FZR1: variants seen among roughly 807,000 people sequenced by gnomAD.
FZR1 encodes the protein fizzy-related protein homolog.
Under a neutral mutation model 63.6 loss-of-function variants are expected in FZR1, and 11 were observed. That is an observed-to-expected ratio of 0.17 (90% CI 0.11 to 0.29). The LOEUF (loss-of-function observed/expected upper bound fraction) is 0.29. Among genes scored for constraint, FZR1 ranks in the 10% least tolerant of loss-of-function variants. FZR1 has a pLI of 1.00. For synonymous variants in FZR1, 328 were observed against 297.9 expected, an observed-to-expected ratio of 1.10 and a Z score of -1.04; for missense variants, 440 against 687.5, an observed-to-expected ratio of 0.64 and a Z score of 4.03.
Position 3,525,806 on chromosome 19 carries a change from C to A in FZR1, c.70-62C>A. 6.3e-7 allele frequency: 1 copy of A among 1,578,088 alleles called. No individual in the cohort carries two copies. Among genetic ancestry groups the A allele is most frequent in the Non-Finnish European group, 8.6e-7 (1 of 1,164,048 alleles). ...GTGGCCAGAGGCTGAGAGAGGCTGG[C>A]CTGGGGGCACTCTCGGGGGGCTCTC... On this transcript the variant is annotated intron_variant, in intron 2 of 13. Transcript: ENST00000441788. This position sits in a 1 kb window ranked among gnomAD's most constrained non-coding sequence, Gnocchi z 4.2.
chr19:3,520,990 ACAGGGTGCAACGTCCT>A (rs1463573815), intron 1 of FZR1, among the ~76,000 whole-genome samples: 1 of 152,172 alleles, frequency 6.6e-6, no homozygotes, highest in Admixed American at 6.5e-5. Flanking sequence ...GGTGTCTCTC[ACAGGGTGCAACGTCCT>A]CAGGGCGTGT....
intron 7 of FZR1, among the ~76,000 whole-genome samples, chr19:3,529,776 G>A (rs1455191889): frequency 7.4e-6 from 1 of 134,698 alleles, no homozygotes; most frequent in Non-Finnish European, 1.6e-5. Flanking sequence ...GTGAGCGGAT[G>A]CGAGAGTGGA....
At position 3,531,874 on chromosome 19, in the gene FZR1, C is replaced by A. The variant is rs576585805; in HGVS notation, c.824-37C>A. On this transcript the variant is annotated intron_variant, in intron 9 of 13. Transcript: ENST00000441788. The stretch of plus-strand genomic sequence containing the variant: ...CCCTGAGGCCCCAGCTCCGCGAGGG[C>A]AGGAGAGGCTCACCCCCGCTTCCAC... 3 of 1,567,092 alleles carry A rather than the reference C, an allele frequency of 1.9e-6. No homozygotes were observed. The African/African-American group carries it at 4.1e-5, about 21-fold the overall frequency.
In FZR1 at chr19:3,530,768, G is replaced by A. The variant is rs772846510; in HGVS notation, c.655-24G>A. 6.2e-6 allele frequency: 10 copies of A among 1,604,514 alleles called. No individual in the cohort carries two copies. In the Admixed American group the frequency reaches 1.3e-4, roughly 22 times the overall value. On this transcript the variant is annotated intron_variant, in intron 7 of 13. Transcript: ENST00000441788. Reference sequence around the variant, plus strand: ...CTGGGGCTTCGAGACCAGCGGCAAAGCTCACACTGACCTCTGCCTCCAGGT... The same window carrying A: ...CTGGGGCTTCGAGACCAGCGGCAAAACTCACACTGACCTCTGCCTCCAGGT...
chr19:3,530,698 G>A (rs564786735), intron 7 of FZR1, 94 bp from the exon 8 acceptor site: 15 of 878,240 alleles, frequency 1.7e-5, no homozygotes, highest in Middle Eastern at 2.2e-4. Context: ...GTGGATGAGA[G>A]TGGATGGGTG....
intron 7 of FZR1, among the ~76,000 whole-genome samples, chr19:3,528,952 ATGGG>A (rs2083195290): frequency 1.3e-5 from 2 of 148,908 alleles, no homozygotes; most frequent in African/African-American, 5.0e-5. Flanking sequence ...GGGAGAGCGG[ATGGG>A]TGAGTGGATG....
Position 3,516,819 on chromosome 19 carries a change from C to T in FZR1, c.-34-6137C>T, listed in dbSNP as rs1040393213. Among the ~76,000 whole-genome samples the T allele has an allele frequency of 1.3e-5, 2 of 152,204 alleles. No individual in the cohort carries two copies. Among genetic ancestry groups the T allele is most frequent in the East Asian group, 1.9e-4 (1 of 5,192 alleles). Reference sequence around the variant, plus strand: ...CTGACAGCTGCTGCCCACCTGGCAACGTTTGGGCCATTGGCTCACGGCGTC... The same window carrying T: ...CTGACAGCTGCTGCCCACCTGGCAATGTTTGGGCCATTGGCTCACGGCGTC... On this transcript the variant is annotated intron_variant, in intron 1 of 13. Transcript: ENST00000441788. The surrounding 1 kb of genome is among the most constrained non-coding windows in gnomAD (Gnocchi z 6.0).
intron 2 of FZR1, among the ~76,000 whole-genome samples, chr19:3,523,997 T>C (rs1427659419): frequency 6.6e-6 from 1 of 152,170 alleles, no homozygotes; most frequent in African/African-American, 2.4e-5. Flanking sequence ...GGATCGTGCG[T>C]GATGTAGCAG....
rs2030019386 is a variant in FZR1 at position 3,537,453 on chromosome 19, T to C, written c.*2617T>C. 1 of 152,398 alleles carries C rather than the reference T, an allele frequency of 6.6e-6. No homozygotes were observed. Among genetic ancestry groups the C allele is most frequent in the Non-Finnish European group, 1.5e-5 (1 of 68,172 alleles). 9.4% of individuals were successfully genotyped at this position (152,398 alleles called of 1,614,324 possible). ...CAACTTTTCTGTTGATCCTGGAATGTAGCTGGTGCAGTGAGAGGGAAAGAG... is the reference window on the plus strand; with the variant it reads ...CAACTTTTCTGTTGATCCTGGAATGCAGCTGGTGCAGTGAGAGGGAAAGAG... On this transcript the variant is annotated 3_prime_UTR_variant, in exon 14 of 14. Coordinates refer to ENST00000441788, the MANE Select transcript of FZR1 (RefSeq NM_016263.4).
intron 1 of FZR1, among the ~76,000 whole-genome samples, chr19:3,518,099 C>T (rs1004823736): frequency 9.2e-5 from 14 of 151,356 alleles, no homozygotes; most frequent in African/African-American, 3.4e-4. Context: ...ACTGCAACCT[C>T]CGCCTTCCAG....
intron 2 of FZR1, among the ~76,000 whole-genome samples, chr19:3,524,618 G>A (rs1568234199): frequency 6.6e-6 from 1 of 152,146 alleles, no homozygotes; most frequent in Non-Finnish European, 1.5e-5. Context: ...GCCGCAGACG[G>A]GGCCCACGCA....
Position 3,526,862 on chromosome 19 carries a change from C to T in FZR1, c.388-118C>T, listed in dbSNP as rs2083164018. 2.8e-6 allele frequency: 2 copies of T among 726,562 alleles called. No individual in the cohort carries two copies. Among genetic ancestry groups the T allele is most frequent in the Non-Finnish European group, 4.8e-6 (2 of 418,574 alleles). The allele number at this position is 726,562 out of a possible 1,614,324, so 45.0% of individuals were successfully genotyped here. ...CCTGCCTTTTTACAGCTGCTCCACA[C>T]AGGGTCTCAGCACCTGCCTTAGGGC... On this transcript the variant is annotated intron_variant, in intron 5 of 13. Coordinates refer to ENST00000441788, the MANE Select transcript of FZR1 (RefSeq NM_016263.4). The surrounding 1 kb of genome is among the most constrained non-coding windows in gnomAD (Gnocchi z 5.4).
At chr19:3,529,990 T>TTGAGTGGATGGGAGAGCAGATGGG (rs2083223056) in intron 7 of FZR1, among the ~76,000 whole-genome samples, 2 of 70,502 alleles carry the variant, frequency 2.8e-5, no homozygotes, top group South Asian at 1.1e-3. Context: ...GAGTGGATGG[T>TTGAGTGGATGGGAGAGCAGATGGG]TGAGTGGATG....
intron 1 of FZR1, among the ~76,000 whole-genome samples, chr19:3,508,200 CTTT>C (rs71166908): frequency 1.1e-5 from 1 of 91,110 alleles, no homozygotes. Context: ...CATTGATTTT[CTTT>C]TTTTTTTTTT....
At chr19:3,510,047 C>G (rs916551110) in intron 1 of FZR1, among the ~76,000 whole-genome samples, 10 of 152,148 alleles carry the variant, frequency 6.6e-5, no homozygotes, top group Admixed American at 2.0e-4. Flanking sequence ...AGAGACCTGC[C>G]TTCCAACCTT....
chr19:3,525,158 T>G lies in FZR1; in HGVS notation c.70-710T>G, dbSNP rs1218105561. 6.6e-6 allele frequency among the ~76,000 whole-genome samples: 1 copy of G among 152,118 alleles called. No individual in the cohort carries two copies. The highest frequency in any genetic ancestry group is 2.4e-5 in the African/African-American group (1 of 41,400). On this transcript the variant is annotated intron_variant, in intron 2 of 13. Transcript: ENST00000441788. This position sits in a 1 kb window ranked among gnomAD's most constrained non-coding sequence, Gnocchi z 4.2. ...GTGTCTTGTGCCGTCAAGGCCTGCG[T>G]CTGTGATCATCTAGAGACGGTGAAT... is the stretch of plus-strand genomic sequence containing the variant.
In FZR1 at chr19:3,534,227, T is replaced by TTAAAA. The variant is rs1555694573; in HGVS notation, c.1348-194_1348-193insTAAAA. On this transcript the variant is annotated intron_variant, in intron 12 of 13. Transcript: ENST00000441788. ...ACAGAGCCAGACCCCGTCTTAAAAT[T>TTAAAA]AAAAAAAAAAAAAAAAAAAAGGCTC... 20 of 283,112 alleles carry TTAAAA rather than the reference T, an allele frequency of 7.1e-5. No homozygotes were observed. In the African/African-American group the frequency reaches 7.3e-4, roughly 10 times the overall value. 17.5% of individuals were successfully genotyped at this position (283,112 alleles called of 1,614,324 possible).
intron 1 of FZR1, among the ~76,000 whole-genome samples, chr19:3,522,679 G>A (rs553093164): frequency 2.0e-5 from 3 of 152,172 alleles, no homozygotes; most frequent in African/African-American, 2.4e-5. Flanking sequence ...CCCAGCCCCC[G>A]CCTCCCTCCT....
Position 3,528,098 on chromosome 19 carries a change from G to A in FZR1, c.654+284G>A, listed in dbSNP as rs541440705. Reference sequence around the variant, plus strand: ...CCTCCCAGCCAGCAGTGGCATCTGCGGCAGCATGGGGTCCCCACTGGAGCC... The same window carrying A: ...CCTCCCAGCCAGCAGTGGCATCTGCAGCAGCATGGGGTCCCCACTGGAGCC... On this transcript the variant is annotated intron_variant, in intron 7 of 13. Transcript: ENST00000441788. Among the ~76,000 whole-genome samples, 46 of 152,074 alleles carry A rather than the reference G, an allele frequency of 3.0e-4. No homozygotes were observed. In the East Asian group the frequency reaches 8.3e-3, roughly 28 times the overall value.
Sources: allele counts gnomAD v4.1 joint callset (sites outside exome capture counted in the v4.1 genomes callset), GRCh38; gene constraint gnomAD v4.1.1; non-coding constraint Gnocchi (gnomAD v3.1); transcripts MANE v1.5; gene names NCBI Gene and HGNC (gene_info 2026-07-23, HGNC 2026-07-21).